Variants in IFT81 observed in about 807,000 individuals in gnomAD.
IFT81 encodes intraflagellar transport protein 81 homolog.
Under a neutral mutation model 102.6 loss-of-function variants are expected in IFT81, and 72 were observed. The observed-to-expected ratio is 0.70, with a 90% confidence interval of 0.58 to 0.85. The LOEUF (loss-of-function observed/expected upper bound fraction) is 0.85, where lower values mean the gene tolerates loss of function less well. IFT81 is among the 40% of genes least tolerant of loss of function. The pLI, the probability that IFT81 is intolerant of heterozygous loss-of-function variation, is 0.00. For missense variants in IFT81, 723 were observed against 787.3 expected, an observed-to-expected ratio of 0.92 and a Z score of 0.98; for synonymous variants, 237 against 242.7, an observed-to-expected ratio of 0.98 and a Z score of 0.22.
intron 11 of IFT81, among the ~76,000 whole-genome samples, chr12:110,173,451 G>A (rs1355707451): frequency 6.6e-6 from 1 of 152,194 alleles, no homozygotes; most frequent in Admixed American, 6.5e-5. Flanking sequence ...CCACCATCCC[G>A]TCTGGGAGGT....
In IFT81 at chr12:110,198,812, CT is replaced by C. The variant is rs200267159; in HGVS notation, c.1558-5039del. Reference sequence around the variant, plus strand: ...TTTCTCACTTTTTCTTTCTTTCTTTCTTTTTTTTTTTTTCTTGAGACAGAGT... The same window carrying C: ...TTTCTCACTTTTTCTTTCTTTCTTTCTTTTTTTTTTTTCTTGAGACAGAGT... On this transcript the variant is annotated intron_variant, in intron 14 of 18. Coordinates refer to ENST00000242591, the MANE Select transcript of IFT81 (RefSeq NM_014055.4). Among the ~76,000 whole-genome samples, 179 of 141,694 alleles carry C rather than the reference CT, an allele frequency of 1.3e-3. 1 individual carries two copies. The Middle Eastern group carries it at 0.018, about 14-fold the overall frequency. The allele number at this position is 141,694 out of a possible 152,430, so 93.0% of individuals were successfully genotyped here.
At position 110,218,083 on chromosome 12, in the gene IFT81, G is replaced by T. The variant is rs376352975; in HGVS notation, c.1888G>T (p.Gly630Cys). The T allele has an allele frequency of 5.0e-6, 8 of 1,602,816 alleles. No individual in the cohort carries two copies. The highest frequency in any genetic ancestry group is 1.7e-4 in the Middle Eastern group (1 of 6,018). The change falls in exon 19 of 19, where the codon GGT (glycine) becomes TGT (cysteine). Residue 630 changes from glycine to cysteine, a missense_variant. Physicochemically the swap from Gly to Cys is radical, Grantham distance 159 (BLOSUM62 -3). Transcript: ENST00000242591. ...EKQKVIRESH[G>C]PNMKQAKMWR... Reference sequence around the variant, plus strand: ...ACAAAAAGTTATACGAGAAAGTCATGGTCCAAATATGAAACAAGCAAAAAT... The same window carrying T: ...ACAAAAAGTTATACGAGAAAGTCATTGTCCAAATATGAAACAAGCAAAAAT...
chr12:110,177,469 G>C (rs1897086426), intron 11 of IFT81, among the ~76,000 whole-genome samples: 1 of 151,948 alleles, frequency 6.6e-6, no homozygotes, highest in South Asian at 2.1e-4. Context: ...TTTTTAGTAG[G>C]GACGGAGTTT....
intron 10 of IFT81, among the ~76,000 whole-genome samples, chr12:110,152,090 T>C (rs1374536928): frequency 6.6e-6 from 1 of 152,234 alleles, no homozygotes; most frequent in Non-Finnish European, 1.5e-5. Context: ...ATGTTGACCA[T>C]TGAAATTAAT....
At chr12:110,145,523 C>T (rs1453148459) in intron 9 of IFT81, among the ~76,000 whole-genome samples, 1 of 151,050 alleles carries the variant, frequency 6.6e-6, no homozygotes, top group East Asian at 1.9e-4. Context: ...ACTGCAACCT[C>T]TGCCTCCTGG....
intron 8 of IFT81, among the ~76,000 whole-genome samples, chr12:110,138,320 G>T (rs1364945075): frequency 6.6e-6 from 1 of 152,078 alleles, no homozygotes; most frequent in Non-Finnish European, 1.5e-5. Context: ...AACAAAAAAG[G>T]CTTACAAAAG....
intron 3 of IFT81, 43 bp downstream of exon 3, chr12:110,128,192 A>G (rs753359023): frequency 7.9e-7 from 1 of 1,260,820 alleles, no homozygotes; most frequent in Non-Finnish European, 1.2e-6. Flanking sequence ...ATTATGCTTT[A>G]ATATCCAAAC....
In IFT81 at chr12:110,143,236, G is replaced by A. The variant is rs1299299231; in HGVS notation, c.782-146G>A. 8 of 331,550 alleles carry A rather than the reference G, an allele frequency of 2.4e-5. No individual in the cohort carries two copies. In the East Asian group the frequency reaches 5.7e-4, roughly 23 times the overall value. 20.5% of individuals were successfully genotyped at this position (331,550 alleles called of 1,614,324 possible). A position where few individuals can be genotyped will look rare whatever the true frequency, so the allele number is the denominator to read the frequency against. On this transcript the variant is annotated intron_variant, in intron 8 of 18. Coordinates refer to ENST00000242591, the MANE Select transcript of IFT81 (RefSeq NM_014055.4). ...TAATTAACAATAAAATATTTCAATG[G>A]CCAATCTTTTATTGTACTATGCTAT... is the stretch of plus-strand genomic sequence containing the variant.
At chr12:110,198,523 C>G (rs1057156923) in intron 14 of IFT81, among the ~76,000 whole-genome samples, 3 of 152,072 alleles carry the variant, frequency 2.0e-5, no homozygotes, top group Non-Finnish European at 4.4e-5. Flanking sequence ...TGGAAAAAGT[C>G]TACATAATAC....
rs1168657271 is a variant in IFT81 at position 110,218,128 on chromosome 12, T to C, written c.1933T>C (p.Leu645=). The change falls in exon 19 of 19, where the codon TTA becomes CTA. Residue 645 remains leucine (L), a synonymous_variant. Coordinates refer to ENST00000242591, the MANE Select transcript of IFT81 (RefSeq NM_014055.4). ...QAKMWRDLEQ[L]MECKKQCFLK... ...AAAAATGTGGCGTGATTTGGAACAATTAATGGAATGTAAGAAACAGTGCTT... is the reference window on the plus strand; with the variant it reads ...AAAAATGTGGCGTGATTTGGAACAACTAATGGAATGTAAGAAACAGTGCTT... 6.2e-7 allele frequency: 1 copy of C among 1,601,582 alleles called. No individual in the cohort carries two copies. Among genetic ancestry groups the C allele is most frequent in the Non-Finnish European group, 8.5e-7 (1 of 1,176,682 alleles).
chr12:110,139,698 C>T (rs531738649), intron 8 of IFT81, among the ~76,000 whole-genome samples: 3 of 150,914 alleles, frequency 2.0e-5, no homozygotes, highest in East Asian at 3.9e-4. Context: ...GGCATGAACC[C>T]GGGAGGCAGA....
At chr12:110,125,604 A>C (rs1893785815) in intron 1 of IFT81, among the ~76,000 whole-genome samples, 1 of 152,200 alleles carries the variant, frequency 6.6e-6, no homozygotes, top group South Asian at 2.1e-4. Flanking sequence ...CATGTTGGCC[A>C]GGCTGGCCTC....
At chr12:110,184,442 A>T (rs1391869068) in intron 12 of IFT81, among the ~76,000 whole-genome samples, 1 of 152,222 alleles carries the variant, frequency 6.6e-6, no homozygotes, top group Non-Finnish European at 1.5e-5. Flanking sequence ...TAGCCACCCC[A>T]GTTCCATAGT....
intron 8 of IFT81, among the ~76,000 whole-genome samples, chr12:110,139,297 AC>A (rs1894700269): frequency 1.3e-5 from 2 of 149,190 alleles, no homozygotes; most frequent in South Asian, 4.3e-4. Flanking sequence ...AGATTGTGCC[AC>A]TGCACTCCAG....
chr12:110,200,141 T>C (rs1369568593), intron 14 of IFT81, among the ~76,000 whole-genome samples: 4 of 152,238 alleles, frequency 2.6e-5, no homozygotes, highest in African/African-American at 9.6e-5. Flanking sequence ...GATGTTGCTC[T>C]GTCTTACCAA....
intron 12 of IFT81, among the ~76,000 whole-genome samples, chr12:110,188,853 C>T (rs149544226): frequency 0.017 from 2,572 of 151,616 alleles, 75 homozygotes; most frequent in African/African-American, 0.058. Flanking sequence ...CGCTTGAACC[C>T]GGGAGTCGGA....
intron 15 of IFT81, 98 bp from the exon 16 acceptor site, chr12:110,205,345 A>T (rs1868474621): frequency 7.7e-7 from 1 of 1,306,948 alleles, no homozygotes; most frequent in Admixed American, 3.2e-5. Context: ...AGAGGAAATG[A>T]CTCTGATGGT....
intron 18 of IFT81, 83 bp downstream of exon 18, chr12:110,209,299 T>C: frequency 1.7e-6 from 1 of 579,196 alleles, no homozygotes; most frequent in Admixed American, 3.5e-5. Flanking sequence ...CTGTCATTGT[T>C]TTCAAAAGGT....
intron 7 of IFT81, among the ~76,000 whole-genome samples, chr12:110,135,799 G>A (rs1288689018): frequency 6.6e-6 from 1 of 151,214 alleles, no homozygotes; most frequent in East Asian, 1.9e-4. Flanking sequence ...CCCAGGAAGT[G>A]GAGGTTGAGG....
Sources: gnomAD v4.1 joint callset for allele counts (sites outside exome capture counted in the v4.1 genomes callset) on GRCh38, gnomAD v4.1.1 for gene constraint, MANE v1.5 for transcripts, NCBI Gene and HGNC (gene_info 2026-07-23, HGNC 2026-07-21) for gene names.